Variants in LY9 observed in about 807,000 individuals in gnomAD.
LY9 encodes lymphocyte antigen 9, also known as T-lymphocyte surface antigen Ly-9.
In LY9, 59 loss-of-function variants were observed where a neutral mutation model predicts 64.6. The ratio of observed to expected loss-of-function variants is 0.91; its 90% CI spans 0.74 to 1.13. The LOEUF (loss-of-function observed/expected upper bound fraction) is 1.13, where lower values mean the gene tolerates loss of function less well. LY9 is among the 50% of genes most tolerant of loss of function. LY9 has a pLI of 0.00. For synonymous variants in LY9, 281 were observed against 308.5 expected (o/e 0.91, Z 0.93); for missense variants, 789 against 797.2 (o/e 0.99, Z 0.12).
At chr1:160,815,069 G>A (rs555537902) in intron 4 of LY9, 89 of 340,422 alleles carry the variant, frequency 2.6e-4, no homozygotes, top group Middle Eastern at 8.4e-4. Flanking sequence ...GGCCAGGTGC[G>A]GTGGCTCACA....
intron 7 of LY9, among the ~76,000 whole-genome samples, chr1:160,821,162 A>AAC (rs1194255200): frequency 6.6e-6 from 1 of 150,734 alleles, no homozygotes; most frequent in Admixed American, 6.6e-5. Flanking sequence ...AAAAAAAAAA[A>AAC]AAAAAAACCA....
intron 9 of LY9, among the ~76,000 whole-genome samples, chr1:160,827,353 T>C (rs1668910716): frequency 6.6e-6 from 1 of 152,174 alleles, no homozygotes; most frequent in African/African-American, 2.4e-5. Flanking sequence ...GGACTAATGG[T>C]CTGGACCATT....
rs267598126 is a variant in LY9, at chr1:160,814,515, G to A, written c.826G>A (p.Asp276Asn). 4 of 1,614,032 alleles carry A rather than the reference G, an allele frequency of 2.5e-6. No individual in the cohort carries two copies. The highest frequency in any genetic ancestry group is 3.4e-6 in the Non-Finnish European group (4 of 1,180,038). Residue 276 changes from aspartate to asparagine, a missense_variant, in exon 4 of 10, where the codon GAC becomes AAC. By Grantham distance (23) the Asp-to-Asn change is conservative. Transcript: ENST00000263285. The stretch of plus-strand genomic sequence containing the variant: ...GCCACTTGCACTCCCAGCCTGCCGG[G>A]ACACAGAGAAGGTTGTCTGGTTGTT... ...TLPLALPACR[D>N]TEKVVWLFNT... is the part of the protein sequence containing the mutation.
chr1:160,815,903 T>A (rs1667913199), intron 4 of LY9, among the ~76,000 whole-genome samples: 1 of 152,208 alleles, frequency 6.6e-6, no homozygotes, highest in African/African-American at 2.4e-5. Flanking sequence ...TTTGCATGGT[T>A]TATGTTTACC....
intron 4 of LY9, among the ~76,000 whole-genome samples, chr1:160,815,898 A>T (rs1295143498): frequency 6.6e-6 from 1 of 152,204 alleles, no homozygotes; most frequent in Non-Finnish European, 1.5e-5. Flanking sequence ...GGCAATTTGC[A>T]TGGTTTATGT....
chr1:160,826,898 G>A (rs1238937017), intron 9 of LY9, among the ~76,000 whole-genome samples: 3 of 152,058 alleles, frequency 2.0e-5, no homozygotes, highest in Admixed American at 2.0e-4. Flanking sequence ...GGTCAATACC[G>A]GTCAAACTTA....
intron 2 of LY9, among the ~76,000 whole-genome samples, chr1:160,808,010 C>T (rs1667144555): frequency 6.6e-6 from 1 of 152,164 alleles, no homozygotes; most frequent in Non-Finnish European, 1.5e-5. Flanking sequence ...ACCGTGAGGC[C>T]CTGCCACTGG....
intron 7 of LY9, among the ~76,000 whole-genome samples, chr1:160,822,504 C>G (rs1360759577): frequency 6.6e-6 from 1 of 152,170 alleles, no homozygotes; most frequent in African/African-American, 2.4e-5. Flanking sequence ...AATGTCTATT[C>G]CTTAGTCCCT....
At chr1:160,818,129 A>G in intron 5 of LY9, 89 bp from the exon 6 acceptor site, 1 of 794,462 alleles carries the variant, frequency 1.3e-6, no homozygotes, top group Non-Finnish European at 2.1e-6. Context: ...TTTAAGGGGC[A>G]GGTAGGATGG....
At chr1:160,823,924 G>A (rs1668685115) in intron 8 of LY9, 128 bp downstream of exon 8, 2 of 800,952 alleles carry the variant, frequency 2.5e-6, no homozygotes, top group Non-Finnish European at 4.0e-6. Context: ...TACGGGCAGG[G>A]ACTCATGGCT....
In LY9 at chr1:160,813,772, T is replaced by C. The variant is rs371221442; in HGVS notation, c.591T>C (p.His197=). 6 of 1,614,028 alleles carry C rather than the reference T, an allele frequency of 3.7e-6. No individual in the cohort carries two copies. Among genetic ancestry groups the C allele is most frequent in the African/African-American group, 1.3e-5 (1 of 74,904 alleles). Residue 197 remains histidine (H), a synonymous_variant, in exon 3 of 10, where the codon CAT becomes CAC. Transcript: ENST00000263285. ...VLYSWTPREP[H]ASESNGGSIL... ...ACAGCTGGACCCCAAGGGAACCCCA[T>C]GCTTCTGAGTCCAATGGAGGCTCCA... is the stretch of plus-strand genomic sequence containing the variant.
At position 160,823,634 on chromosome 1, in the gene LY9, C is replaced by T; in HGVS notation, c.1668C>T (p.Ile556=). 4.3e-6 allele frequency: 7 copies of T among 1,614,152 alleles called. No individual in the cohort carries two copies. The highest frequency in any genetic ancestry group is 5.9e-6 in the Non-Finnish European group (7 of 1,180,016). Residue 556 remains isoleucine, a synonymous_variant, in exon 8 of 10, where the codon ATC becomes ATT. Coordinates refer to ENST00000263285, the MANE Select transcript of LY9 (RefSeq NM_002348.4). ...ACAGGCCTGAGGTGCACAAGCCCAT[C>T]AGTGGAAGATATGAGGTATTTGACC... ...DEDRPEVHKP[I]SGRYEVFDQV... is the part of the protein sequence containing the mutation.
intron 2 of LY9, chr1:160,811,491 T>A (rs1667471051): frequency 6.6e-6 from 1 of 152,224 alleles, no homozygotes; most frequent in African/African-American, 2.4e-5. Flanking sequence ...CAATTCCTTA[T>A]TTAACCTCTC....
intron 1 of LY9, chr1:160,797,009 C>A: frequency 4.4e-6 from 2 of 451,676 alleles, no homozygotes; most frequent in Non-Finnish European, 2.9e-6. Flanking sequence ...GGCTTTATTA[C>A]TGAGGTTTCA....
intron 2 of LY9, among the ~76,000 whole-genome samples, chr1:160,804,009 CA>C (rs559330126): frequency 9.4e-5 from 14 of 148,896 alleles, no homozygotes; most frequent in East Asian, 2.0e-4. Context: ...GACCCTGTCT[CA>C]AAAAAAAAAT....
chr1:160,813,968 G>C, intron 3 of LY9, 57 bp downstream of exon 3: 2 of 1,560,044 alleles, frequency 1.3e-6, no homozygotes, highest in Non-Finnish European at 1.7e-6. Context: ...GAGCAGCTGT[G>C]GAGTCTAAAC....
Position 160,818,313 on chromosome 1 carries a change from G to A in LY9, c.1438G>A (p.Gly480Arg). 1.9e-6 allele frequency: 3 copies of A among 1,613,528 alleles called. No homozygotes were observed. The highest frequency in any genetic ancestry group is 2.5e-6 in the Non-Finnish European group (3 of 1,179,494). ...CAGCTGGTGCATTTGGAAGCGAAAAGGACGGTGTGAGTTTCCGAGATCAAT... is the reference window on the plus strand; with the variant it reads ...CAGCTGGTGCATTTGGAAGCGAAAAAGACGGTGTGAGTTTCCGAGATCAAT... ...IFSWCIWKRK[G>R]RCSVPAFCSS... The change falls in exon 6 of 10, where the codon GGA becomes AGA. Residue 480 changes from glycine (G) to arginine (R), a missense_variant. Coordinates refer to ENST00000263285, the MANE Select transcript of LY9 (RefSeq NM_002348.4).
In LY9 at chr1:160,798,124, G is replaced by A. The variant is rs74777179; in HGVS notation, c.125-1629G>A. ...TCTTCTGCAACAAGATTTGCCCTGT[G>A]AGGCCCACATCCTGCCCCCTCCACT... On this transcript the variant is annotated intron_variant, in intron 1 of 9. Transcript: ENST00000263285. Among the ~76,000 whole-genome samples the A allele has an allele frequency of 3.3e-3, 504 of 152,258 alleles. 9 individuals carry two copies. The South Asian group carries it at 0.039, about 12-fold the overall frequency.
intron 1 of LY9, among the ~76,000 whole-genome samples, chr1:160,796,759 G>C (rs184232027): frequency 2.6e-4 from 40 of 152,282 alleles, no homozygotes; most frequent in African/African-American, 8.2e-4. Context: ...CACTATGAAG[G>C]GGGTAACATT....
Sources: gnomAD v4.1 joint callset for allele counts (sites outside exome capture counted in the v4.1 genomes callset) on GRCh38, gnomAD v4.1.1 for gene constraint, MANE v1.5 for transcripts, NCBI Gene and HGNC (gene_info 2026-07-23, HGNC 2026-07-21) for gene names.